The following DPYD variants were observed in gnomAD, a reference collection of about 807,000 sequenced individuals.
DPYD encodes dihydropyrimidine dehydrogenase, also known as dihydropyrimidine dehydrogenase [NADP(+)].
In DPYD, 109 loss-of-function variants were observed where a neutral mutation model predicts 116.2. The ratio of observed to expected loss-of-function variants is 0.94; its 90% CI spans 0.80 to 1.10. The LOEUF (loss-of-function observed/expected upper bound fraction) is 1.10, where lower values mean the gene tolerates loss of function less well. DPYD is among the 50% of genes least tolerant of loss of function. The pLI, the probability that DPYD is intolerant of heterozygous loss-of-function variation, is 0.00. For synonymous variants in DPYD, 440 were observed against 432.0 expected, an observed-to-expected ratio of 1.02 and a Z score of -0.23; for missense variants, 1,302 against 1,254.5, an observed-to-expected ratio of 1.04 and a Z score of -0.57.
chr1:97,163,712 C>T (rs1656098568), intron 20 of DPYD, among the ~76,000 whole-genome samples: 1 of 152,170 alleles, frequency 6.6e-6, no homozygotes, highest in African/African-American at 2.4e-5. Context: ...CACCCTCAAA[C>T]CCTTTCATAA....
At chr1:97,471,516 G>A (rs564028266) in intron 13 of DPYD, among the ~76,000 whole-genome samples, 3 of 151,548 alleles carry the variant, frequency 2.0e-5, no homozygotes, top group Non-Finnish European at 4.4e-5. Context: ...ACACCATGGA[G>A]CTTATATTTC....
At chr1:97,611,616 A>T (rs1223036307) in intron 8 of DPYD, among the ~76,000 whole-genome samples, 2 of 152,030 alleles carry the variant, frequency 1.3e-5, no homozygotes, top group Non-Finnish European at 2.9e-5. Context: ...ATTCCACATC[A>T]TCACAGCAGT....
intron 3 of DPYD, among the ~76,000 whole-genome samples, chr1:97,783,674 G>T (rs945038846): frequency 1.3e-5 from 2 of 151,992 alleles, no homozygotes; most frequent in East Asian, 1.9e-4. Flanking sequence ...TACAAGGTGT[G>T]AGCCACCACA....
chr1:97,381,285 T>G (rs999467008), intron 15 of DPYD, among the ~76,000 whole-genome samples: 9 of 152,290 alleles, frequency 5.9e-5, no homozygotes, highest in Middle Eastern at 3.4e-3. Context: ...GGCTTTTGAC[T>G]TATAAAAAGT....
At position 97,907,915 on chromosome 1, in the gene DPYD, T is replaced by C. The variant is rs1673724949; in HGVS notation, c.39+12969A>G. Among the ~76,000 whole-genome samples, 5 of 152,130 alleles carry C rather than the reference T, an allele frequency of 3.3e-5. No individual in the cohort carries two copies. The South Asian group carries it at 1.0e-3, about 31-fold the overall frequency. ...AAGTAAAGGTGTCAACCTTGTCATA[T>C]TCCCTCTGAAATCTGTAGGGGAGAA... is the stretch of plus-strand genomic sequence containing the variant. On this transcript the variant is annotated intron_variant, in intron 1 of 22. Transcript: ENST00000370192.
At chr1:97,724,457 A>G (rs992354905) in intron 4 of DPYD, among the ~76,000 whole-genome samples, 10 of 151,374 alleles carry the variant, frequency 6.6e-5, no homozygotes, top group African/African-American at 1.5e-4. Context: ...GACACAGAAG[A>G]GCCAATGTTT....
intron 13 of DPYD, among the ~76,000 whole-genome samples, chr1:97,484,067 G>A (rs1570810844): frequency 6.6e-6 from 1 of 152,192 alleles, no homozygotes; most frequent in African/African-American, 2.4e-5. Flanking sequence ...CACTTTGGGA[G>A]GACGAGGTGG....
chr1:97,836,392 T>G (rs865977036), intron 2 of DPYD, among the ~76,000 whole-genome samples: 31 of 152,156 alleles, frequency 2.0e-4, no homozygotes, highest in Admixed American at 5.9e-4. Flanking sequence ...AGTTTTAATG[T>G]ATGCTTAATC....
At chr1:97,283,673 C>A (rs1665476929) in intron 18 of DPYD, among the ~76,000 whole-genome samples, 1 of 152,090 alleles carries the variant, frequency 6.6e-6, no homozygotes, top group Non-Finnish European at 1.5e-5. Flanking sequence ...ACTATAAGAA[C>A]ATATTGTGTT....
intron 21 of DPYD, among the ~76,000 whole-genome samples, chr1:97,082,713 T>G (rs137988632): frequency 1.3e-5 from 2 of 152,076 alleles, no homozygotes; most frequent in South Asian, 4.1e-4. Context: ...CTGCATTCAA[T>G]AGGTTTTTGA....
chr1:97,868,299 G>A (rs192904840), intron 2 of DPYD, among the ~76,000 whole-genome samples: 2 of 151,770 alleles, frequency 1.3e-5, no homozygotes, highest in Admixed American at 1.3e-4. Context: ...TGGGGCCACA[G>A]TAGGCCATAA....
At chr1:97,331,478 TCAAA>T (rs1570540022) in intron 16 of DPYD, among the ~76,000 whole-genome samples, 2 of 152,104 alleles carry the variant, frequency 1.3e-5, no homozygotes. Context: ...AGACCCTGTC[TCAAA>T]CAAACAACCC....
intron 5 of DPYD, among the ~76,000 whole-genome samples, chr1:97,715,582 C>G (rs1386950123): frequency 6.6e-6 from 1 of 152,012 alleles, no homozygotes; most frequent in Non-Finnish European, 1.5e-5. Flanking sequence ...AGCCAGTTTG[C>G]CTGGGGTGGT....
At chr1:97,406,656 T>C (rs1428876781) in intron 14 of DPYD, among the ~76,000 whole-genome samples, 1 of 150,476 alleles carries the variant, frequency 6.6e-6, no homozygotes, top group African/African-American at 2.4e-5. Context: ...GTAAATTAGC[T>C]CTTTAGCGTT....
chr1:97,085,663 T>G (rs1031539053), intron 21 of DPYD, among the ~76,000 whole-genome samples: 1 of 152,224 alleles, frequency 6.6e-6, no homozygotes, highest in African/African-American at 2.4e-5. Flanking sequence ...TACCAGCTTA[T>G]GAATACCCTT....
chr1:97,109,416 G>A (rs1024081163), intron 20 of DPYD, among the ~76,000 whole-genome samples: 3 of 152,008 alleles, frequency 2.0e-5, no homozygotes, highest in Non-Finnish European at 4.4e-5. Context: ...CTGCTTTCAT[G>A]GCTAAATGTT....
chr1:97,845,046 G>C (rs370384626), intron 2 of DPYD, among the ~76,000 whole-genome samples: 5 of 152,194 alleles, frequency 3.3e-5, no homozygotes, highest in African/African-American at 1.2e-4. Context: ...GTGCTGAGGG[G>C]TGCTCAGCAT....
intron 14 of DPYD, among the ~76,000 whole-genome samples, chr1:97,391,096 C>G (rs1672677171): frequency 7.2e-6 from 1 of 138,090 alleles, no homozygotes; most frequent in South Asian, 2.4e-4. Context: ...GTCAATTTCT[C>G]ACATGTTGAT....
intron 12 of DPYD, among the ~76,000 whole-genome samples, chr1:97,532,537 T>C (rs971314622): frequency 2.6e-5 from 4 of 152,186 alleles, no homozygotes; most frequent in African/African-American, 9.7e-5. Flanking sequence ...TGGTTTTTTA[T>C]TACTGACTCA....
Sources: allele counts gnomAD v4.1 joint callset (sites outside exome capture counted in the v4.1 genomes callset), GRCh38; gene constraint gnomAD v4.1.1; transcripts MANE v1.5; gene names NCBI Gene and HGNC (gene_info 2026-07-23, HGNC 2026-07-21).